Variants in MTHFD1 observed in about 807,000 individuals in gnomAD.
MTHFD1 encodes the protein C-1-tetrahydrofolate synthase, cytoplasmic.
A neutral mutation model predicts 110.3 loss-of-function variants in MTHFD1; 44 were observed. The observed-to-expected ratio is 0.40, with a 90% CI of 0.31 to 0.51. The LOEUF (loss-of-function observed/expected upper bound fraction) is 0.51, where lower values mean the gene tolerates loss of function less well. MTHFD1 is among the 20% of genes least tolerant of loss of function. MTHFD1 has a pLI of 0.60. For missense variants in MTHFD1, 909 were observed against 1,173.1 expected (o/e 0.77, Z 3.29); for synonymous variants, 402 against 428.8 (o/e 0.94, Z 0.77).
Position 64,431,593 on chromosome 14 carries a change from C to T in MTHFD1, c.1373C>T (p.Ala458Val), listed in dbSNP as rs1283487328. 4.3e-6 allele frequency: 7 copies of T among 1,614,042 alleles called. No homozygotes were observed. The highest frequency in any genetic ancestry group is 5.9e-6 in the Non-Finnish European group (7 of 1,180,042). ...AITAANNLVA[A>V]AIDARIFHEL... The stretch of plus-strand genomic sequence containing the variant: ...ACTGCAGCTAATAACCTCGTTGCTG[C>T]GGCCATTGATGCTCGGATATTTCAT... Residue 458 changes from alanine to valine, a missense_variant, in exon 14 of 28, where the codon GCG becomes GTG. Transcript: ENST00000652337.
At chr14:64,394,690 T>G (rs2140941248) in intron 1 of MTHFD1, among the ~76,000 whole-genome samples, 1 of 152,170 alleles carries the variant, frequency 6.6e-6, no homozygotes, top group Non-Finnish European at 1.5e-5. Flanking sequence ...TTGACTGCAA[T>G]GAATGACTTA....
intron 2 of MTHFD1, among the ~76,000 whole-genome samples, chr14:64,408,477 T>C (rs1295648981): frequency 3.3e-5 from 5 of 152,072 alleles, no homozygotes; most frequent in African/African-American, 1.2e-4. Flanking sequence ...TTAGTATAGA[T>C]GGGGTTTCAC....
chr14:64,415,799 G>T, intron 6 of MTHFD1, 60 bp downstream of exon 6: 2 of 1,533,052 alleles, frequency 1.3e-6, no homozygotes, highest in East Asian at 4.6e-5. Context: ...GTCTTGACAT[G>T]TGGTGGCATA....
At position 64,448,232 on chromosome 14, in the gene MTHFD1, G is replaced by C; in HGVS notation, c.2194G>C (p.Glu732Gln). The C allele has an allele frequency of 1.2e-6, 2 of 1,613,932 alleles. No homozygotes were observed. The highest frequency in any genetic ancestry group is 1.7e-6 in the Non-Finnish European group (2 of 1,179,822). ...GTTTTTACAGAACCTGGAGCTGGTT[G>C]AAAAAGGCTTCAGTAACTTGAAGAA... ...AYIQENLELV[E>Q]KGFSNLKKQI... Residue 732 changes from glutamate (E) to glutamine (Q), a missense_variant, in exon 23 of 28, where the codon GAA becomes CAA. Around this residue, in one of 3 missense-constraint regions of MTHFD1, gnomAD observed 482 missense variants for 646.0 expected, o/e 0.75. Coordinates refer to ENST00000652337, the MANE Select transcript of MTHFD1 (RefSeq NM_005956.4).
Position 64,417,845 on chromosome 14 carries a change from G to T in MTHFD1, c.479-43G>T. Reference sequence around the variant, plus strand: ...TCCACGTGGCATGCGAAGGAGGGCAGCTTCTATCCTCCAACTCTGATGCAG... The same window carrying T: ...TCCACGTGGCATGCGAAGGAGGGCATCTTCTATCCTCCAACTCTGATGCAG... On this transcript the variant is annotated intron_variant, in intron 6 of 27. Coordinates refer to ENST00000652337, the MANE Select transcript of MTHFD1 (RefSeq NM_005956.4). The surrounding 1 kb of genome is among the most constrained non-coding windows in gnomAD (Gnocchi z 4.4). 1.2e-6 allele frequency: 2 copies of T among 1,611,798 alleles called. No individual in the cohort carries two copies. Among genetic ancestry groups the T allele is most frequent in the South Asian group, 1.1e-5 (1 of 90,990 alleles).
chr14:64,415,400 C>T lies in MTHFD1; in HGVS notation c.283C>T (p.His95Tyr), dbSNP rs1396493230. The T allele has an allele frequency of 6.2e-7, 1 of 1,611,672 alleles. No individual in the cohort carries two copies. The highest frequency in any genetic ancestry group is 1.1e-5 in the South Asian group (1 of 91,026). ...ATCTTTGAATGAAGACTCTACTGTACATGGGTTCTTAGTGCAGCTACCTTT... is the reference window on the plus strand; with the variant it reads ...ATCTTTGAATGAAGACTCTACTGTATATGGGTTCTTAGTGCAGCTACCTTT... Reference protein sequence around the residue: ...ITSLNEDSTVHGFLVQLPLDS... With the variant: ...ITSLNEDSTVYGFLVQLPLDS... The change falls in exon 5 of 28, where the codon CAT becomes TAT. Residue 95 changes from histidine (H) to tyrosine (Y), a missense_variant. This residue lies in a region of MTHFD1 where 424 missense variants were observed against 510.4 expected (regional missense o/e 0.83). Coordinates refer to ENST00000652337, the MANE Select transcript of MTHFD1 (RefSeq NM_005956.4).
At chr14:64,458,150 G>A in intron 26 of MTHFD1, 64 bp from the exon 27 acceptor site, 1 of 1,296,034 alleles carries the variant, frequency 7.7e-7, no homozygotes, top group Non-Finnish European at 1.1e-6. Context: ...CCTCAGCCTG[G>A]GATTATAGGC....
rs1261862672 is a variant in MTHFD1, at chr14:64,430,143, A to T, written c.1265-41A>T. 8 of 1,581,462 alleles carry T rather than the reference A, an allele frequency of 5.1e-6. No homozygotes were observed. In the African/African-American group the frequency reaches 1.1e-4, roughly 21 times the overall value. On this transcript the variant is annotated intron_variant, in intron 12 of 27. Transcript: ENST00000652337. Reference sequence around the variant, plus strand: ...TATTTGATTTCTAAGTCATTGGAGAAGCATGCTTAACTGAGCTTCCACCCT... The same window carrying T: ...TATTTGATTTCTAAGTCATTGGAGATGCATGCTTAACTGAGCTTCCACCCT...
At position 64,442,134 on chromosome 14, in the gene MTHFD1, A is replaced by G; in HGVS notation, c.1965A>G (p.Ala655=). ...GNSSIIADRI[A]LKLVGPEGFV... is the part of the protein sequence containing the mutation. ...CCTCCATCATTGCAGACCGGATCGC[A>G]CTCAAGCTTGTTGGCCCAGAAGGGT... The change falls in exon 20 of 28, where the codon GCA becomes GCG. Residue 655 remains alanine (A), a synonymous_variant. Transcript: ENST00000652337. 1 of 1,614,064 alleles carries G rather than the reference A, an allele frequency of 6.2e-7. No individual in the cohort carries two copies. The highest frequency in any genetic ancestry group is 8.5e-7 in the Non-Finnish European group (1 of 1,180,006).
chr14:64,412,929 C>T (rs1266769159), intron 4 of MTHFD1, among the ~76,000 whole-genome samples: 4 of 151,794 alleles, frequency 2.6e-5, no homozygotes, highest in South Asian at 2.1e-4. Context: ...TGAGCCACCA[C>T]GCCTGGCACC....
In MTHFD1 at chr14:64,444,726, A is replaced by G. The variant is rs747015473; in HGVS notation, c.2170A>G (p.Ile724Val). Residue 724 changes from isoleucine to valine, a missense_variant, in exon 22 of 28, where the codon ATA becomes GTA. Transcript: ENST00000652337. ...TAGLPLPKAY[I>V]QENLELVEKG... ...TGGACTGCCTCTTCCCAAGGCTTAC[A>G]TACAGGAGGTAACCTGAGTTATTTC... 9.3e-6 allele frequency: 15 copies of G among 1,614,070 alleles called. No individual in the cohort carries two copies. The South Asian group carries it at 1.4e-4, about 15-fold the overall frequency.
chr14:64,458,174 C>T, intron 26 of MTHFD1, 40 bp from the exon 27 acceptor site: 1 of 1,457,510 alleles, frequency 6.9e-7, no homozygotes, highest in South Asian at 1.1e-5. Context: ...AGCCACTGTG[C>T]CCAGCATTAG....
intron 2 of MTHFD1, among the ~76,000 whole-genome samples, chr14:64,408,618 G>C (rs1445021458): frequency 2.0e-5 from 3 of 152,070 alleles, no homozygotes; most frequent in Non-Finnish European, 4.4e-5. Flanking sequence ...CATTCTTTTT[G>C]CATCTAGTCT....
At position 64,425,376 on chromosome 14, in the gene MTHFD1, C is replaced by T. The variant is rs762778735; in HGVS notation, c.856-354C>T. ...TACAGGTGTGCACCACCACGCCCGG[C>T]GAATTTTGTATTTTTAGTAGAGACA... is the stretch of plus-strand genomic sequence containing the variant. On this transcript the variant is annotated intron_variant, in intron 9 of 27. Coordinates refer to ENST00000652337, the MANE Select transcript of MTHFD1 (RefSeq NM_005956.4). Among the ~76,000 whole-genome samples, 4 of 151,928 alleles carry T rather than the reference C, an allele frequency of 2.6e-5. No individual in the cohort carries two copies. The East Asian group carries it at 7.7e-4, about 29-fold the overall frequency.
In MTHFD1 at chr14:64,400,939, A is replaced by T. The variant is rs1478060568; in HGVS notation, c.126+62A>T. ...GCTTGATTTCTCAGTATCATTTCAG[A>T]CCTCTCCCTCTACTTTCCTCCTTTT... On this transcript the variant is annotated intron_variant, in intron 2 of 27. Coordinates refer to ENST00000652337, the MANE Select transcript of MTHFD1 (RefSeq NM_005956.4). The T allele has an allele frequency of 1.2e-5, 14 of 1,202,222 alleles. No homozygotes were observed. The South Asian group carries it at 1.4e-4, about 12-fold the overall frequency. 74.5% of individuals were successfully genotyped at this position (1,202,222 alleles called of 1,614,324 possible). A position where few individuals can be genotyped will look rare whatever the true frequency, so the allele number is the denominator to read the frequency against.
At position 64,431,867 on chromosome 14, in the gene MTHFD1, CT is replaced by C. The variant is rs550966436; in HGVS notation, c.1494+13del. ...TCCAAATCCGAAGGTTAAAGGTAAGCTTTTTTTCTTCCACATTTTTTATATT... is the reference window on the plus strand; with the variant it reads ...TCCAAATCCGAAGGTTAAAGGTAAGCTTTTTTCTTCCACATTTTTTATATT... On this transcript the variant is annotated splice_region_variant and intron_variant, in intron 15 of 27. Coordinates refer to ENST00000652337, the MANE Select transcript of MTHFD1 (RefSeq NM_005956.4). 567 of 1,612,192 alleles carry C rather than the reference CT, an allele frequency of 3.5e-4. 3 individuals carry two copies. The African/African-American group carries it at 6.8e-3, about 19-fold the overall frequency.
intron 15 of MTHFD1, 56 bp from the exon 16 acceptor site, chr14:64,435,513 C>CT (rs1566568916): frequency 8.2e-7 from 1 of 1,223,188 alleles, no homozygotes; most frequent in Admixed American, 1.7e-5. Flanking sequence ...TTTTGTCTTA[C>CT]GTTTATTGTG....
chr14:64,444,597 C>A, intron 21 of MTHFD1, 96 bp from the exon 22 acceptor site: 1 of 1,325,622 alleles, frequency 7.5e-7, no homozygotes, highest in Non-Finnish European at 1.1e-6. Context: ...AGCCTGCAAG[C>A]ATTGCAGCGT....
chr14:64,459,891 G>T lies in MTHFD1; in HGVS notation c.*137G>T, dbSNP rs1248578397. ...AGAAGATCTGAAACTAATAGTAGGAGTTTCCCCAGAAGTCATTTTCAGCCT... is the reference window on the plus strand; with the variant it reads ...AGAAGATCTGAAACTAATAGTAGGATTTTCCCCAGAAGTCATTTTCAGCCT... On this transcript the variant is annotated 3_prime_UTR_variant, in exon 28 of 28. Transcript: ENST00000652337. 131 of 1,535,948 alleles carry T rather than the reference G, an allele frequency of 8.5e-5. No homozygotes were observed. The highest frequency in any genetic ancestry group is 1.1e-4 in the Non-Finnish European group (130 of 1,146,872).
Sources: allele counts gnomAD v4.1 joint callset (sites outside exome capture counted in the v4.1 genomes callset), GRCh38; gene constraint gnomAD v4.1.1; regional missense constraint gnomAD v4.1.1; non-coding constraint Gnocchi (gnomAD v3.1); transcripts MANE v1.5; gene names NCBI Gene and HGNC (gene_info 2026-07-23, HGNC 2026-07-21).